Variants in NPHS1 observed in about 807,000 individuals in gnomAD.
NPHS1 encodes nephrin.
A neutral mutation model predicts 139.7 loss-of-function variants in NPHS1; 107 were observed. That is an observed-to-expected ratio of 0.77 (90% confidence interval 0.66 to 0.90). The LOEUF is 0.90. Among genes scored for constraint, NPHS1 ranks in the 40% least tolerant of loss-of-function variants. The pLI is 0.00. For missense variants in NPHS1, 1,580 were observed against 1,654.2 expected (o/e 0.96, Z 0.78); for synonymous variants, 707 against 706.6 (o/e 1.00, Z -0.01).
At chr19:35,842,683 C>A (rs1217267785) in intron 17 of NPHS1, 133 bp from the exon 18 acceptor site, 15 of 855,514 alleles carry the variant, frequency 1.8e-5, no homozygotes, top group Non-Finnish European at 2.5e-5. Context: ...AAAAAAAATT[C>A]TCCTGTCATC....
rs1272946363 is a variant in NPHS1 at position 35,845,136 on chromosome 19, A to G, written c.1930+232T>C. ...TAAAAATAAACTAGCGAAGCGTGGT[A>G]GCGCACACCTGTAGTCTCAGCTACT... On this transcript the variant is annotated intron_variant, in intron 14 of 28. Coordinates refer to ENST00000378910, the MANE Select transcript of NPHS1 (RefSeq NM_004646.4). The surrounding 1 kb of genome is among the most constrained non-coding windows in gnomAD (Gnocchi z 5.5). 6.6e-6 allele frequency among the ~76,000 whole-genome samples: 1 copy of G among 152,124 alleles called. No individual in the cohort carries two copies.
chr19:35,831,787 T>C lies in NPHS1; in HGVS notation c.3167-25A>G, dbSNP rs1163153357. ...CCTAGGGGTGGAAGATACCCCTCAG[T>C]GAATCCCAGACAACAGGCTGTAGGC... On this transcript the variant is annotated intron_variant, in intron 23 of 28. Transcript: ENST00000378910. 22 of 1,552,672 alleles carry C rather than the reference T, an allele frequency of 1.4e-5. 1 individual carries two copies. The highest frequency in any genetic ancestry group is 1.8e-5 in the Non-Finnish European group (21 of 1,149,848).
rs2146816213 is a variant in NPHS1 at position 35,839,325 on chromosome 19, T to C, written c.3021A>G (p.Thr1007=). Residue 1007 remains threonine, a synonymous_variant, in exon 22 of 29, where the codon ACA becomes ACG. Coordinates refer to ENST00000378910, the MANE Select transcript of NPHS1 (RefSeq NM_004646.4). ...TGGCCAGCAGCCAGACCCTGTATCT[T>C]GTAGAAGGCTGTAGACCAGTCAGCG... ...TFTLTGLQPS[T]RYRVWLLASN... 1 of 1,614,166 alleles carries C rather than the reference T, an allele frequency of 6.2e-7. No homozygotes were observed. The highest frequency in any genetic ancestry group is 8.5e-7 in the Non-Finnish European group (1 of 1,180,022).
chr19:35,837,954 A>C (rs1007709701), intron 22 of NPHS1, among the ~76,000 whole-genome samples: 7 of 151,348 alleles, frequency 4.6e-5, no homozygotes, highest in African/African-American at 7.3e-5. Flanking sequence ...AAAAAAAAAA[A>C]AAAAAACGAA....
Position 35,828,712 on chromosome 19 carries a change from C to T in NPHS1, c.3595-2067G>A, listed in dbSNP as rs566592698. Among the ~76,000 whole-genome samples, 14 of 152,354 alleles carry T rather than the reference C, an allele frequency of 9.2e-5. 1 individual carries two copies. The South Asian group carries it at 2.9e-3, about 32-fold the overall frequency. On this transcript the variant is annotated intron_variant, in intron 28 of 28. Coordinates refer to ENST00000378910, the MANE Select transcript of NPHS1 (RefSeq NM_004646.4). ...TCATTCATTTATGCATCGTCTATGG[C>T]TGCTTTTACTTTACGGTGGCAGAGT...
chr19:35,834,069 T>C (rs1053712695), intron 23 of NPHS1, among the ~76,000 whole-genome samples: 7 of 143,288 alleles, frequency 4.9e-5, no homozygotes, highest in Admixed American at 4.0e-4. Context: ...TCTCGGGCTC[T>C]GAAGGGGATT....
Position 35,846,140 on chromosome 19 carries a change from G to A in NPHS1, c.1495C>T (p.Leu499Phe). Residue 499 changes from leucine (L) to phenylalanine (F), a missense_variant, in exon 12 of 29, where the codon CTC (leucine) becomes TTC (phenylalanine). By Grantham distance (22) the Leu-to-Phe change is conservative (BLOSUM62 0). Coordinates refer to ENST00000378910, the MANE Select transcript of NPHS1 (RefSeq NM_004646.4). ...RLPQESRRVH[L>F]GSVEKSGSTF... Reference sequence around the variant, plus strand: ...CTCCCAGATTTCTCCACGCTGCCGAGATGCACGCGCCGCGACTCCTGCGGC... The same window carrying A: ...CTCCCAGATTTCTCCACGCTGCCGAAATGCACGCGCCGCGACTCCTGCGGC... The A allele has an allele frequency of 6.3e-7, 1 of 1,598,502 alleles. No individual in the cohort carries two copies. The highest frequency in any genetic ancestry group is 8.5e-7 in the Non-Finnish European group (1 of 1,173,862).
chr19:35,831,793 C>A, intron 23 of NPHS1, 31 bp from the exon 24 acceptor site: 1 of 1,551,170 alleles, frequency 6.4e-7, no homozygotes, highest in Non-Finnish European at 8.7e-7. Flanking sequence ...TCAGTGAATC[C>A]CAGACAACAG....
At chr19:35,835,271 T>C (rs1285189206) in intron 23 of NPHS1, among the ~76,000 whole-genome samples, 1 of 146,758 alleles carries the variant, frequency 6.8e-6, no homozygotes, top group Admixed American at 6.8e-5. Flanking sequence ...AAGTCTGCAA[T>C]TCTGCAGGGA....
Position 35,850,382 on chromosome 19 carries a change from G to T in NPHS1, c.590C>A (p.Thr197Asn). The T allele has an allele frequency of 2.5e-6, 4 of 1,614,076 alleles. No individual in the cohort carries two copies. Among genetic ancestry groups the T allele is most frequent in the Non-Finnish European group, 3.4e-6 (4 of 1,179,912 alleles). The change falls in exon 5 of 29, where the codon ACT becomes AAT. Residue 197 changes from threonine to asparagine, a missense_variant. Transcript: ENST00000378910. ...VNEGSQQKLF[T>N]VEATARVTPR... ...TCCACACCTGGCTGTGGCCTCCACAGTGAAGAGTTTCTGCTGGGAGCCCTC... is the reference window on the plus strand; with the variant it reads ...TCCACACCTGGCTGTGGCCTCCACATTGAAGAGTTTCTGCTGGGAGCCCTC...
intron 4 of NPHS1, 51 bp downstream of exon 4, chr19:35,850,910 C>T (rs1339092838): frequency 1.2e-6 from 2 of 1,609,562 alleles, no homozygotes; most frequent in Non-Finnish European, 1.7e-6. Context: ...ACACCCTTCC[C>T]ACTCCAGAGG....
chr19:35,847,034 ATTTTCTTTTC>A (rs376927312), intron 11 of NPHS1, among the ~76,000 whole-genome samples: 1 of 151,628 alleles, frequency 6.6e-6, no homozygotes, highest in East Asian at 1.9e-4. Flanking sequence ...TTTTCTCCAA[ATTTTCTTTTC>A]TTTTCTTTTC....
chr19:35,850,206 A>G (rs1973216631), intron 5 of NPHS1, among the ~76,000 whole-genome samples, 158 bp downstream of exon 5: 1 of 152,098 alleles, frequency 6.6e-6, no homozygotes, highest in South Asian at 2.1e-4. Flanking sequence ...ATGAGCCACC[A>G]CCTCTGTTCC....
intron 24 of NPHS1, 23 bp downstream of exon 24, chr19:35,831,620 G>C (rs1183730139): frequency 6.2e-7 from 1 of 1,613,138 alleles, no homozygotes; most frequent in Non-Finnish European, 8.5e-7. Flanking sequence ...TCTCCACCCT[G>C]GCAGGGAAGG....
chr19:35,844,109 C>T lies in NPHS1; in HGVS notation c.2206G>A (p.Val736Met), dbSNP rs1131692245. The T allele has an allele frequency of 6.2e-7, 1 of 1,607,056 alleles. No individual in the cohort carries two copies. Among genetic ancestry groups the T allele is most frequent in the South Asian group, 1.1e-5 (1 of 90,958 alleles). ...GTAEARLRLD[V>M]HYAPTIRALQ... ...CATGGTGGGCGGGGCTCACAGTGCA[C>T]GTCCAGCCGCAGCCGCGCTTCCGCG... The change falls in exon 16 of 29, where the codon GTG becomes ATG. Residue 736 changes from valine (V) to methionine (M), a missense_variant. Physicochemically the swap from Val to Met is conservative, Grantham distance 21 (BLOSUM62 1). Coordinates refer to ENST00000378910, the MANE Select transcript of NPHS1 (RefSeq NM_004646.4).
chr19:35,847,836 C>T (rs1010970382), intron 11 of NPHS1: 9 of 543,506 alleles, frequency 1.7e-5, no homozygotes, highest in Middle Eastern at 9.7e-4. Flanking sequence ...AAAATTCTCA[C>T]TGTTTCCCCA....
In NPHS1 at chr19:35,844,391, G is replaced by A. The variant is rs1224905914; in HGVS notation, c.1999C>T (p.Pro667Ser). The change falls in exon 15 of 29, where the codon CCC becomes TCC. Residue 667 changes from proline to serine, a missense_variant. Pro to Ser is a moderately conservative substitution (Grantham distance 74, BLOSUM62 -1). Coordinates refer to ENST00000378910, the MANE Select transcript of NPHS1 (RefSeq NM_004646.4). ...GCGGGGTTAGCGGACACGGACACGG[G>A]CAGCAACGCCTCGCCCTGCTCCACC... The part of the protein sequence containing the change: ...TAVEQGEALL[P>S]VSVSANPAPE... 6.2e-7 allele frequency: 1 copy of A among 1,611,834 alleles called. No homozygotes were observed. Among genetic ancestry groups the A allele is most frequent in the Non-Finnish European group, 8.5e-7 (1 of 1,179,274 alleles).
At position 35,831,125 on chromosome 19, in the gene NPHS1, G is replaced by T; in HGVS notation, c.3409C>A (p.Pro1137Thr). 2 of 1,613,986 alleles carry T rather than the reference G, an allele frequency of 1.2e-6. No homozygotes were observed. Among genetic ancestry groups the T allele is most frequent in the Non-Finnish European group, 8.5e-7 (1 of 1,180,024 alleles). The stretch of plus-strand genomic sequence containing the variant: ...AAGTCCCTCAGGGAGCGGTAATACG[G>T]CTCTGCCTCTGTTGTGCTGACCTGT... Reference protein sequence around the residue: ...SSTVSTTEAEPYYRSLRDFSP... With the variant: ...SSTVSTTEAETYYRSLRDFSP... Residue 1137 changes from proline (P) to threonine (T), a missense_variant, in exon 27 of 29, where the codon CCG (proline) becomes ACG (threonine). By Grantham distance (38) the Pro-to-Thr change is conservative. Transcript: ENST00000378910.
In NPHS1 at chr19:35,826,265, G is replaced by C. The variant is rs901240114; in HGVS notation, c.*249C>G. 5 of 490,836 alleles carry C rather than the reference G, an allele frequency of 1.0e-5. No individual in the cohort carries two copies. Among genetic ancestry groups the C allele is most frequent in the Non-Finnish European group, 1.9e-5 (5 of 269,244 alleles). 30.4% of individuals were successfully genotyped at this position (490,836 alleles called of 1,614,324 possible). A position where few individuals can be genotyped will look rare whatever the true frequency, so the allele number is the denominator to read the frequency against. On this transcript the variant is annotated 3_prime_UTR_variant, in exon 29 of 29. Coordinates refer to ENST00000378910, the MANE Select transcript of NPHS1 (RefSeq NM_004646.4). ...CCCGGCAGCATTTCATTTTTGAGAC[G>C]ACGTTTACAATCTGCCCTGTCCTTT...
Sources: allele counts gnomAD v4.1 joint callset (sites outside exome capture counted in the v4.1 genomes callset), GRCh38; gene constraint gnomAD v4.1.1; non-coding constraint Gnocchi (gnomAD v3.1); transcripts MANE v1.5; gene names NCBI Gene and HGNC (gene_info 2026-07-23, HGNC 2026-07-21).